The following NPAS3 variants were observed in gnomAD, a reference collection of about 807,000 sequenced individuals.
NPAS3 encodes the protein neuronal PAS domain-containing protein 3.
A neutral mutation model predicts 73.1 loss-of-function variants in NPAS3; 14 were observed. The observed-to-expected ratio is 0.19, with a 90% CI of 0.13 to 0.30. The LOEUF (loss-of-function observed/expected upper bound fraction) is 0.30. Among genes scored for constraint, NPAS3 ranks in the 10% least tolerant of loss-of-function variants. The probability of loss-of-function intolerance (pLI) is 1.00; values close to 1 mark genes in which losing one functional copy is unlikely to be tolerated. For missense variants in NPAS3, 1,096 were observed against 1,250.0 expected, an observed-to-expected ratio of 0.88 and a Z score of 1.86; for synonymous variants, 620 against 541.5, an observed-to-expected ratio of 1.14 and a Z score of -2.01.
At chr14:32,950,631 AG>A (rs1347923498) in intron 1 of NPAS3, among the ~76,000 whole-genome samples, 1 of 152,130 alleles carries the variant, frequency 6.6e-6, no homozygotes, top group Admixed American at 6.6e-5. Flanking sequence ...CTTAACAAAA[AG>A]AAATAATCTT....
At chr14:33,748,715 G>A (rs533687750) in intron 7 of NPAS3, among the ~76,000 whole-genome samples, 19 of 152,118 alleles carry the variant, frequency 1.2e-4, no homozygotes, top group South Asian at 8.3e-4. Flanking sequence ...AAAACAAAGC[G>A]AACAATTGAC....
In NPAS3 at chr14:33,241,496, G is replaced by A. The variant is rs78514560; in HGVS notation, c.385+26070G>A. ...GAGTGGAGAATAATTTATATCAGAG[G>A]TTCTGTGACGGAATGAAATGGAGCC... On this transcript the variant is annotated intron_variant, in intron 3 of 11. Transcript: ENST00000356141. Among the ~76,000 whole-genome samples, 384 of 152,016 alleles carry A rather than the reference G, an allele frequency of 2.5e-3. 12 individuals carry two copies. In the East Asian group the frequency reaches 0.064, roughly 25 times the overall value.
intron 5 of NPAS3, among the ~76,000 whole-genome samples, chr14:33,669,476 G>GGAAAA (rs1415367139): frequency 6.6e-6 from 1 of 152,058 alleles, no homozygotes; most frequent in African/African-American, 2.4e-5. Flanking sequence ...TGTCTCTTAA[G>GGAAAA]GAAAAGAAAA....
intron 3 of NPAS3, among the ~76,000 whole-genome samples, chr14:33,343,548 C>T (rs147346953): frequency 3.9e-5 from 6 of 152,170 alleles, no homozygotes; most frequent in East Asian, 1.9e-4. Flanking sequence ...AAAATAATGT[C>T]GGCATTCATG....
chr14:33,446,073 C>T lies in NPAS3; in HGVS notation c.468+78805C>T, dbSNP rs111254157. Among the ~76,000 whole-genome samples, 461 of 151,884 alleles carry T rather than the reference C, an allele frequency of 3.0e-3. 2 individuals are homozygous for T. The highest frequency in any genetic ancestry group is 4.6e-3 in the Non-Finnish European group (314 of 67,964). On this transcript the variant is annotated intron_variant, in intron 4 of 11. Transcript: ENST00000356141. ...TCAATTCTCTAATCTTCTGATGTTC[C>T]GTTTGAGTCAACATCAACCCCACTG...
At chr14:33,130,409 T>C (rs1002658736) in intron 2 of NPAS3, among the ~76,000 whole-genome samples, 1 of 152,186 alleles carries the variant, frequency 6.6e-6, no homozygotes, top group African/African-American at 2.4e-5. Context: ...GGAATAGTCT[T>C]TGAATTGCAA....
At chr14:33,560,252 C>A (rs753773028) in intron 5 of NPAS3, 42 bp downstream of exon 5, 8 of 805,664 alleles carry the variant, frequency 9.9e-6, no homozygotes, top group South Asian at 2.9e-5. Context: ...GATTATGAAG[C>A]CTTCTTCAGC....
chr14:33,617,780 T>G (rs1217286465), intron 5 of NPAS3, among the ~76,000 whole-genome samples: 1 of 152,208 alleles, frequency 6.6e-6, no homozygotes, highest in Non-Finnish European at 1.5e-5. Context: ...GCATCTTCTC[T>G]TCACTGTTGA....
intron 5 of NPAS3, among the ~76,000 whole-genome samples, chr14:33,592,129 T>G (rs568516309): frequency 6.6e-6 from 1 of 152,278 alleles, no homozygotes; most frequent in East Asian, 1.9e-4. Flanking sequence ...CCCTCCAATT[T>G]GATGTGGATT....
At chr14:33,148,697 T>A (rs971463085) in intron 2 of NPAS3, among the ~76,000 whole-genome samples, 5 of 152,136 alleles carry the variant, frequency 3.3e-5, no homozygotes, top group South Asian at 2.1e-4. Context: ...TTAAAAAAAA[T>A]TTTTTTGGAG....
At chr14:33,667,716 A>AAAT (rs1429282342) in intron 5 of NPAS3, among the ~76,000 whole-genome samples, 1 of 152,196 alleles carries the variant, frequency 6.6e-6, no homozygotes, top group Non-Finnish European at 1.5e-5. Flanking sequence ...AATTCACAAG[A>AAAT]AATAAATTAT....
chr14:33,726,432 A>G (rs368525617), intron 6 of NPAS3, among the ~76,000 whole-genome samples: 3 of 152,192 alleles, frequency 2.0e-5, no homozygotes, highest in African/African-American at 7.2e-5. Flanking sequence ...CTTTCTGTAA[A>G]GCCTTTTACC....
chr14:33,620,493 A>G (rs1283862532), intron 5 of NPAS3, among the ~76,000 whole-genome samples: 2 of 152,198 alleles, frequency 1.3e-5, no homozygotes, highest in African/African-American at 2.4e-5. Flanking sequence ...ATAGAAGTGT[A>G]TGTGCTGTAT....
At chr14:33,640,042 AC>A (rs2058633374) in intron 5 of NPAS3, among the ~76,000 whole-genome samples, 1 of 151,816 alleles carries the variant, frequency 6.6e-6, no homozygotes, top group African/African-American at 2.4e-5. Context: ...ACATGATAAA[AC>A]CCCATCTCTA....
chr14:33,140,814 A>T (rs2044018909), intron 2 of NPAS3, among the ~76,000 whole-genome samples: 1 of 152,206 alleles, frequency 6.6e-6, no homozygotes, highest in African/African-American at 2.4e-5. Context: ...GAGGGAGAAG[A>T]AAGGTCAAGA....
chr14:33,596,459 G>A (rs1375849428), intron 5 of NPAS3, among the ~76,000 whole-genome samples: 1 of 152,172 alleles, frequency 6.6e-6, no homozygotes, highest in African/African-American at 2.4e-5. Context: ...AAATAGTGGG[G>A]AACTAATGGA....
At chr14:33,481,541 A>G (rs565057577) in intron 4 of NPAS3, among the ~76,000 whole-genome samples, 79 of 152,322 alleles carry the variant, frequency 5.2e-4, no homozygotes, top group African/African-American at 1.7e-3. Flanking sequence ...GCCCCAAAGG[A>G]GTAATTAATT....
chr14:32,950,886 G>C (rs2036456284), intron 1 of NPAS3, among the ~76,000 whole-genome samples: 1 of 152,128 alleles, frequency 6.6e-6, no homozygotes, highest in East Asian at 1.9e-4. Flanking sequence ...ACAGAAGTTA[G>C]TAGAGAGCTC....
intron 4 of NPAS3, among the ~76,000 whole-genome samples, chr14:33,504,819 A>G (rs1398691489): frequency 6.6e-6 from 1 of 152,048 alleles, no homozygotes; most frequent in Non-Finnish European, 1.5e-5. Flanking sequence ...AATTACTGCT[A>G]TGATAGCAGA....
Sources: allele counts gnomAD v4.1 joint callset (sites outside exome capture counted in the v4.1 genomes callset), GRCh38; gene constraint gnomAD v4.1.1; transcripts MANE v1.5; gene names NCBI Gene and HGNC (gene_info 2026-07-23, HGNC 2026-07-21).